Variants in ZDHHC14 observed in about 807,000 individuals in gnomAD.
ZDHHC14 encodes zDHHC palmitoyltransferase 14.
A neutral mutation model predicts 47.7 loss-of-function variants in ZDHHC14; 16 were observed. The ratio of observed to expected loss-of-function variants is 0.34; its 90% CI spans 0.23 to 0.51. ZDHHC14 has a LOEUF of 0.51. Ranked by LOEUF, ZDHHC14 falls within the 20% of genes least tolerant of loss-of-function variation. ZDHHC14 has a pLI of 0.97. For synonymous variants in ZDHHC14, 293 were observed against 278.9 expected (o/e 1.05, Z -0.50); for missense variants, 515 against 662.5 (o/e 0.78, Z 2.44).
intron 3 of ZDHHC14, among the ~76,000 whole-genome samples, chr6:157,603,490 G>A (rs1246300340): frequency 3.3e-5 from 5 of 152,158 alleles, no homozygotes; most frequent in Non-Finnish European, 7.3e-5. Context: ...GCTGGAGCAC[G>A]ATGCTTGAAC....
At chr6:157,537,865 G>A (rs755540569) in intron 1 of ZDHHC14, among the ~76,000 whole-genome samples, 5 of 152,212 alleles carry the variant, frequency 3.3e-5, no homozygotes, top group Non-Finnish European at 5.9e-5. Context: ...CAGCTGTGAA[G>A]CCGTGCCAGT....
At chr6:157,400,764 C>T (rs561801656) in intron 1 of ZDHHC14, among the ~76,000 whole-genome samples, 16 of 152,312 alleles carry the variant, frequency 1.1e-4, no homozygotes, top group South Asian at 4.1e-4. Flanking sequence ...AAATAGCAGA[C>T]GCCTTCCTGA....
chr6:157,498,165 A>G (rs953624944), intron 1 of ZDHHC14, among the ~76,000 whole-genome samples: 1 of 152,080 alleles, frequency 6.6e-6, no homozygotes, highest in Non-Finnish European at 1.5e-5. Context: ...GGCTGGGTGC[A>G]GTGGCTCATG....
At chr6:157,578,961 T>C (rs1171312477) in intron 2 of ZDHHC14, among the ~76,000 whole-genome samples, 1 of 152,222 alleles carries the variant, frequency 6.6e-6, no homozygotes, top group Non-Finnish European at 1.5e-5. Context: ...CATGTTGTTT[T>C]GGATACAATA....
chr6:157,589,582 T>C (rs1188635963), intron 2 of ZDHHC14, among the ~76,000 whole-genome samples: 1 of 152,166 alleles, frequency 6.6e-6, no homozygotes. Flanking sequence ...TTCTCCTTCC[T>C]GCTGCCATGT....
rs573227410 is a variant in ZDHHC14 at position 157,675,469 on chromosome 6, G to A, written c.*2347G>A. The A allele has an allele frequency of 1.5e-4, 23 of 152,362 alleles. No homozygotes were observed. The highest frequency in any genetic ancestry group is 5.5e-4 in the African/African-American group (23 of 41,588). 9.4% of individuals were successfully genotyped at this position (152,362 alleles called of 1,614,324 possible). On this transcript the variant is annotated 3_prime_UTR_variant, in exon 9 of 9. Coordinates refer to ENST00000359775, the MANE Select transcript of ZDHHC14 (RefSeq NM_024630.3). ...GGCATCATTTATCCAATAGGGGACT[G>A]GGAATTTTGGTGAAGTGAATCAAGG...
At chr6:157,421,125 T>C (rs1237217938) in intron 1 of ZDHHC14, among the ~76,000 whole-genome samples, 1 of 152,080 alleles carries the variant, frequency 6.6e-6, no homozygotes, top group Non-Finnish European at 1.5e-5. Flanking sequence ...TGGGTGTTAT[T>C]ATGACCGCAG....
chr6:157,604,076 C>T (rs1374505488), intron 3 of ZDHHC14, among the ~76,000 whole-genome samples: 1 of 152,028 alleles, frequency 6.6e-6, no homozygotes, highest in Non-Finnish European at 1.5e-5. Flanking sequence ...GGCTTGAGCC[C>T]AGGAGTTCAA....
At chr6:157,657,731 A>G (rs868752296) in intron 8 of ZDHHC14, among the ~76,000 whole-genome samples, 1 of 152,228 alleles carries the variant, frequency 6.6e-6, no homozygotes, top group Admixed American at 6.5e-5. Context: ...TTGTATAGTC[A>G]AGTCCCCTAA....
At chr6:157,670,923 A>T (rs1030764724) in intron 8 of ZDHHC14, among the ~76,000 whole-genome samples, 3 of 152,112 alleles carry the variant, frequency 2.0e-5, no homozygotes, top group Admixed American at 2.0e-4. Flanking sequence ...TGATTTTAGA[A>T]AGAAACCCAT....
Position 157,659,880 on chromosome 6 carries a change from A to C in ZDHHC14, c.1068+6253A>C, listed in dbSNP as rs1031725709. Among the ~76,000 whole-genome samples the C allele has an allele frequency of 2.0e-5, 3 of 152,252 alleles. No homozygotes were observed. In the East Asian group the frequency reaches 5.8e-4, roughly 29 times the overall value. ...GGGAAAACAAATACACAAATCCGTT[A>C]GTGCTGAATTAGTCAGAATCGCAAG... On this transcript the variant is annotated intron_variant, in intron 8 of 8. Transcript: ENST00000359775.
intron 1 of ZDHHC14, among the ~76,000 whole-genome samples, chr6:157,431,732 A>AT (rs34330435): frequency 0.067 from 9,566 of 142,534 alleles, 455 homozygotes; most frequent in African/African-American, 0.14. Flanking sequence ...TTTTAATATA[A>AT]TTTTTTTTTT....
chr6:157,484,959 G>T (rs930047987), intron 1 of ZDHHC14, among the ~76,000 whole-genome samples: 1 of 152,140 alleles, frequency 6.6e-6, no homozygotes, highest in African/African-American at 2.4e-5. Flanking sequence ...TTAGCCGGAT[G>T]TGATGGCACG....
At chr6:157,425,576 T>A (rs978210469) in intron 1 of ZDHHC14, among the ~76,000 whole-genome samples, 4 of 152,262 alleles carry the variant, frequency 2.6e-5, no homozygotes, top group African/African-American at 9.6e-5. Flanking sequence ...GGTTGCGATA[T>A]CTGCATTTTA....
intron 1 of ZDHHC14, among the ~76,000 whole-genome samples, chr6:157,426,937 G>C (rs1160129639): frequency 1.3e-5 from 2 of 152,228 alleles, no homozygotes; most frequent in African/African-American, 4.8e-5. Context: ...GGAAGTGGGC[G>C]CATCCATTGC....
At chr6:157,603,914 C>T (rs1303301170) in intron 3 of ZDHHC14, among the ~76,000 whole-genome samples, 1 of 152,170 alleles carries the variant, frequency 6.6e-6, no homozygotes, top group Non-Finnish European at 1.5e-5. Flanking sequence ...GGGAAGGGCA[C>T]GCCACCTCAA....
rs1407247752 is a variant in ZDHHC14, at chr6:157,389,937, AT to A, written c.245+7672del. On this transcript the variant is annotated intron_variant, in intron 1 of 8. Coordinates refer to ENST00000359775, the MANE Select transcript of ZDHHC14 (RefSeq NM_024630.3). Reference sequence around the variant, plus strand: ...CACGTATAAGATATAAAACATATATATGTATGTACATATATTAAATAGAGAT... The same window carrying A: ...CACGTATAAGATATAAAACATATATAGTATGTACATATATTAAATAGAGAT... Among the ~76,000 whole-genome samples, 6 of 152,278 alleles carry A rather than the reference AT, an allele frequency of 3.9e-5. No homozygotes were observed. In the East Asian group the frequency reaches 5.8e-4, roughly 15 times the overall value.
At chr6:157,497,569 A>G (rs1415494597) in intron 1 of ZDHHC14, among the ~76,000 whole-genome samples, 1 of 152,170 alleles carries the variant, frequency 6.6e-6, no homozygotes, top group Non-Finnish European at 1.5e-5. Context: ...TGATGGGCCC[A>G]TGGCAGCCCA....
At chr6:157,657,199 G>A (rs533463439) in intron 8 of ZDHHC14, among the ~76,000 whole-genome samples, 2 of 152,104 alleles carry the variant, frequency 1.3e-5, no homozygotes, top group Middle Eastern at 3.4e-3. Context: ...ACAGGCATGT[G>A]CCACCATGCC....
Sources: allele counts gnomAD v4.1 joint callset (sites outside exome capture counted in the v4.1 genomes callset), GRCh38; gene constraint gnomAD v4.1.1; transcripts MANE v1.5; gene names NCBI Gene and HGNC (gene_info 2026-07-23, HGNC 2026-07-21).